MAPK4: variants seen among roughly 807,000 people sequenced by gnomAD.
MAPK4 encodes mitogen-activated protein kinase 4, also known as Erk3-related.
In MAPK4, 22 loss-of-function variants were observed where a neutral mutation model predicts 47.7. That is an observed-to-expected ratio of 0.46 (90% CI 0.33 to 0.66). MAPK4 has a LOEUF of 0.66. MAPK4 is among the 30% of genes least tolerant of loss of function. The pLI is 0.02. For missense variants in MAPK4, 736 were observed against 831.7 expected (o/e 0.88, Z 1.42); for synonymous variants, 390 against 365.7 (o/e 1.07, Z -0.76).
chr18:50,561,476 C>T (rs2042152860), intron 1 of MAPK4, among the ~76,000 whole-genome samples: 1 of 152,204 alleles, frequency 6.6e-6, no homozygotes, highest in Non-Finnish European at 1.5e-5. Flanking sequence ...ATGACGTTCT[C>T]AATGTAACAG....
At chr18:50,671,848 C>A (rs1907973223) in intron 2 of MAPK4, among the ~76,000 whole-genome samples, 1 of 150,576 alleles carries the variant, frequency 6.6e-6, no homozygotes, top group African/African-American at 2.5e-5. Flanking sequence ...TATGATTATA[C>A]CATCGCACTT....
intron 1 of MAPK4, among the ~76,000 whole-genome samples, chr18:50,601,003 A>T (rs2042532278): frequency 6.6e-6 from 1 of 151,810 alleles, no homozygotes; most frequent in Non-Finnish European, 1.5e-5. Context: ...CACTCCTGTA[A>T]TCCCAGCACT....
chr18:50,599,187 A>G (rs1342745046), intron 1 of MAPK4, among the ~76,000 whole-genome samples: 3 of 152,186 alleles, frequency 2.0e-5, no homozygotes, highest in Non-Finnish European at 4.4e-5. Context: ...TGAACTTCAC[A>G]CTACAGGTCA....
intron 1 of MAPK4, among the ~76,000 whole-genome samples, chr18:50,599,077 C>G (rs2042511234): frequency 6.6e-6 from 1 of 152,144 alleles, no homozygotes; most frequent in Non-Finnish European, 1.5e-5. Flanking sequence ...GTCTAGCACA[C>G]CTTAAGTTTT....
At chr18:50,620,879 G>A (rs1251638756) in intron 1 of MAPK4, among the ~76,000 whole-genome samples, 1 of 152,060 alleles carries the variant, frequency 6.6e-6, no homozygotes, top group African/African-American at 2.4e-5. Flanking sequence ...TGTTTGGAGA[G>A]GTTATCCTTG....
rs556808886 is a variant in MAPK4 at position 50,655,839 on chromosome 18, C to T, written c.-870-7250C>T. On this transcript the variant is annotated intron_variant, in intron 1 of 5. Coordinates refer to ENST00000400384, the MANE Select transcript of MAPK4 (RefSeq NM_002747.4). The stretch of plus-strand genomic sequence containing the variant: ...CTTTCTTTTCTGGGCCTCAGGGATG[C>T]TTTTTAAATTTATCTTTCCATGTGG... Among the ~76,000 whole-genome samples, 6 of 152,282 alleles carry T rather than the reference C, an allele frequency of 3.9e-5. No individual in the cohort carries two copies. The South Asian group carries it at 1.2e-3, about 32-fold the overall frequency.
intron 2 of MAPK4, among the ~76,000 whole-genome samples, chr18:50,686,258 A>T (rs1243724092): frequency 6.6e-6 from 1 of 152,192 alleles, no homozygotes; most frequent in African/African-American, 2.4e-5. Flanking sequence ...ATTCAGAAAG[A>T]CTGGAAGCTA....
intron 1 of MAPK4, among the ~76,000 whole-genome samples, chr18:50,653,739 CT>C (rs1252815896): frequency 6.6e-6 from 1 of 152,216 alleles, no homozygotes; most frequent in Non-Finnish European, 1.5e-5. Context: ...CACAGTGTAA[CT>C]AATGAAACTT....
At chr18:50,673,191 C>G (rs1194553799) in intron 2 of MAPK4, among the ~76,000 whole-genome samples, 1 of 152,192 alleles carries the variant, frequency 6.6e-6, no homozygotes, top group Admixed American at 6.5e-5. Flanking sequence ...CCAGAAGAAT[C>G]TCTTGAACCT....
intron 2 of MAPK4, among the ~76,000 whole-genome samples, chr18:50,709,674 G>A (rs1220013885): frequency 6.6e-6 from 1 of 152,146 alleles, no homozygotes; most frequent in African/African-American, 2.4e-5. Flanking sequence ...TGTCATTGGG[G>A]ATGGGGGAAG....
chr18:50,700,835 GT>G (rs1208470368), intron 2 of MAPK4, among the ~76,000 whole-genome samples: 2 of 152,190 alleles, frequency 1.3e-5, no homozygotes, highest in African/African-American at 4.8e-5. Flanking sequence ...TCCACTCAAA[GT>G]TGCAACTGTG....
chr18:50,693,381 T>A (rs562334636), intron 2 of MAPK4, among the ~76,000 whole-genome samples: 1 of 152,266 alleles, frequency 6.6e-6, no homozygotes, highest in South Asian at 2.1e-4. Flanking sequence ...CGCAGCGGAC[T>A]ACGAGCAGCA....
Position 50,713,780 on chromosome 18 carries a change from G to A in MAPK4, c.547-1299G>A, listed in dbSNP as rs149461430. On this transcript the variant is annotated intron_variant, in intron 2 of 5. Transcript: ENST00000400384. ...CAAATGCACAAAGGACAGAAGAAGAGGGCACATTCTACAAATTTTAAGGAG... is the reference window on the plus strand; with the variant it reads ...CAAATGCACAAAGGACAGAAGAAGAAGGCACATTCTACAAATTTTAAGGAG... Among the ~76,000 whole-genome samples, 139 of 152,322 alleles carry A rather than the reference G, an allele frequency of 9.1e-4. 1 individual carries two copies. In the East Asian group the frequency reaches 0.022, roughly 24 times the overall value.
At chr18:50,592,170 T>C (rs1412867497) in intron 1 of MAPK4, among the ~76,000 whole-genome samples, 1 of 152,000 alleles carries the variant, frequency 6.6e-6, no homozygotes, top group African/African-American at 2.4e-5. Context: ...AGAAATGAGA[T>C]TGGGAACTCT....
chr18:50,562,403 C>T lies in MAPK4; in HGVS notation c.-871+2160C>T, dbSNP rs1224114958. On this transcript the variant is annotated intron_variant, in intron 1 of 5. Coordinates refer to ENST00000400384, the MANE Select transcript of MAPK4 (RefSeq NM_002747.4). ...AAGATTTTCTCAAATAAACTTCATT[C>T]TGCATTTTGGCCAATAAAAAAAAAA... is the stretch of plus-strand genomic sequence containing the variant. Among the ~76,000 whole-genome samples the T allele has an allele frequency of 1.5e-4, 17 of 113,604 alleles. No individual in the cohort carries two copies. The Admixed American group carries it at 1.7e-3, about 12-fold the overall frequency. 74.5% of individuals were successfully genotyped at this position (113,604 alleles called of 152,430 possible).
intron 1 of MAPK4, among the ~76,000 whole-genome samples, chr18:50,599,311 C>G (rs2042513503): frequency 6.6e-6 from 1 of 152,160 alleles, no homozygotes; most frequent in Admixed American, 6.5e-5. Flanking sequence ...TTTAAAAACC[C>G]TATCAGTCTT....
At chr18:50,604,604 T>C (rs2042567549) in intron 1 of MAPK4, among the ~76,000 whole-genome samples, 1 of 152,262 alleles carries the variant, frequency 6.6e-6, no homozygotes, top group Admixed American at 6.5e-5. Flanking sequence ...AGACTGATAC[T>C]TGTAAATAAA....
At position 50,690,680 on chromosome 18, in the gene MAPK4, A is replaced by T. The variant is rs78789162; in HGVS notation, c.547-24399A>T. Among the ~76,000 whole-genome samples, 665 of 152,336 alleles carry T rather than the reference A, an allele frequency of 4.4e-3. 4 individuals carry two copies. Among genetic ancestry groups the T allele is most frequent in the African/African-American group, 0.015 (630 of 41,582 alleles). On this transcript the variant is annotated intron_variant, in intron 2 of 5. Coordinates refer to ENST00000400384, the MANE Select transcript of MAPK4 (RefSeq NM_002747.4). ...TATGTGTTTGTATGTGGAGACAGGGAAGGAAAGACGGGAAGTAAACCTACT... is the reference window on the plus strand; with the variant it reads ...TATGTGTTTGTATGTGGAGACAGGGTAGGAAAGACGGGAAGTAAACCTACT...
intron 4 of MAPK4, 65 bp from the exon 5 acceptor site, chr18:50,725,897 G>T: frequency 7.7e-7 from 1 of 1,290,586 alleles, no homozygotes; most frequent in Non-Finnish European, 1.1e-6. Context: ...ACCGTGCTGA[G>T]GAATCTCCTT....
Sources: gnomAD v4.1 joint callset for allele counts (sites outside exome capture counted in the v4.1 genomes callset) on GRCh38, gnomAD v4.1.1 for gene constraint, MANE v1.5 for transcripts, NCBI Gene and HGNC (gene_info 2026-07-23, HGNC 2026-07-21) for gene names.